Variants in ZDHHC15 observed in about 807,000 individuals in gnomAD.
The protein encoded by ZDHHC15 is zDHHC palmitoyltransferase 15.
Under a neutral mutation model 31.7 loss-of-function variants are expected in ZDHHC15, and 19 were observed. That is an observed-to-expected ratio of 0.60 (90% CI 0.42 to 0.88). The LOEUF (loss-of-function observed/expected upper bound fraction) is 0.88. ZDHHC15 is among the 40% of genes least tolerant of loss of function. The pLI is 0.00. For synonymous variants in ZDHHC15, 103 were observed against 90.0 expected (o/e 1.14, Z -0.82); for missense variants, 209 against 251.2 (o/e 0.83, Z 1.14).
chrX:75,395,953 T>C, intron 10 of ZDHHC15, among the ~76,000 whole-genome samples: 1 of 112,324 alleles, frequency 8.9e-6, no homozygotes, highest in Non-Finnish European at 1.9e-5. Flanking sequence ...TGCAGAAGAA[T>C]GAAACTACAC....
intron 1 of ZDHHC15, among the ~76,000 whole-genome samples, chrX:75,507,749 C>T (rs1303969502): frequency 1.8e-5 from 2 of 111,645 alleles, no homozygotes; most frequent in Admixed American, 9.6e-5. Context: ...TGGCTTTTTG[C>T]ACTGTCTCTC....
intron 1 of ZDHHC15, among the ~76,000 whole-genome samples, chrX:75,511,901 A>T (rs2085281487): frequency 3.0e-5 from 1 of 32,821 alleles, no homozygotes; most frequent in East Asian, 9.1e-4. Flanking sequence ...AAATACTGGC[A>T]AACCGAATCC....
rs371812849 is a variant in ZDHHC15, at chrX:75,414,469, G to A, written c.967+2618C>T. On this transcript the variant is annotated intron_variant, in intron 10 of 11. Coordinates refer to ENST00000373367, the MANE Select transcript of ZDHHC15 (RefSeq NM_144969.3). ...TTTTGAGACACAGTCTCGCTCTGTC[G>A]CACAGGCTGGAGTGCAGCGGCGCGA... Among the ~76,000 whole-genome samples, 776 of 81,280 alleles carry A rather than the reference G, an allele frequency of 9.5e-3. 11 individuals carry two copies. The highest frequency in any genetic ancestry group is 0.034 in the African/African-American group (717 of 21,358). The allele number at this position is 81,280 out of a possible 115,157, so 70.6% of individuals were successfully genotyped here. A position where few individuals can be genotyped will look rare whatever the true frequency, so the allele number is the denominator to read the frequency against.
intron 4 of ZDHHC15, among the ~76,000 whole-genome samples, chrX:75,442,730 T>C (rs1365251014): frequency 1.8e-5 from 2 of 111,328 alleles, no homozygotes; most frequent in African/African-American, 6.5e-5. Flanking sequence ...CTCACGCCTG[T>C]AATCCCAGCA....
At chrX:75,457,847 G>A (rs1328168994) in intron 3 of ZDHHC15, among the ~76,000 whole-genome samples, 2 of 111,713 alleles carry the variant, frequency 1.8e-5, no homozygotes, top group Non-Finnish European at 3.8e-5. Context: ...TATTAGTATT[G>A]TAAATAATCT....
chrX:75,426,351 T>C (rs2083713723), intron 7 of ZDHHC15, among the ~76,000 whole-genome samples: 1 of 111,684 alleles, frequency 9.0e-6, no homozygotes, highest in Non-Finnish European at 1.9e-5. Flanking sequence ...CTGCAGTCTA[T>C]TCCCTCACCC....
At chrX:75,442,720 C>T (rs1443819638) in intron 4 of ZDHHC15, among the ~76,000 whole-genome samples, 2 of 111,633 alleles carry the variant, frequency 1.8e-5, no homozygotes, top group Non-Finnish European at 3.8e-5. Flanking sequence ...GGCGCGGTGG[C>T]TCACGCCTGT....
At chrX:75,464,231 A>T (rs889885914) in intron 3 of ZDHHC15, among the ~76,000 whole-genome samples, 2 of 110,963 alleles carry the variant, frequency 1.8e-5, no homozygotes, top group African/African-American at 6.6e-5. Context: ...TGGGAATTGA[A>T]CAATGAGTAT....
Position 75,429,285 on chromosome X carries a change from G to A in ZDHHC15, c.483-87C>T. 3 of 1,024,790 alleles carry A rather than the reference G, an allele frequency of 2.9e-6. No individual in the cohort carries two copies. The Admixed American group carries it at 9.6e-5, about 33-fold the overall frequency. The allele number at this position is 1,024,790 out of a possible 1,213,427, so 84.5% of individuals were successfully genotyped here. A position where few individuals can be genotyped will look rare whatever the true frequency, so the allele number is the denominator to read the frequency against. On this transcript the variant is annotated intron_variant, in intron 6 of 11. Coordinates refer to ENST00000373367, the MANE Select transcript of ZDHHC15 (RefSeq NM_144969.3). Reference sequence around the variant, plus strand: ...TAAGTGAACTAAGCAATGGAATAATGCTAGTTCTGCTGCTTCATTATGTGT... The same window carrying A: ...TAAGTGAACTAAGCAATGGAATAATACTAGTTCTGCTGCTTCATTATGTGT...
intron 11 of ZDHHC15, 109 bp from the exon 12 acceptor site, chrX:75,373,054 A>G (rs1443706483): frequency 9.0e-6 from 1 of 111,424 alleles, no homozygotes; most frequent in Non-Finnish European, 1.9e-5. Flanking sequence ...ATTTATGAAG[A>G]GTATAGATCA....
intron 2 of ZDHHC15, among the ~76,000 whole-genome samples, chrX:75,504,658 C>T (rs1045196036): frequency 3.6e-5 from 4 of 111,642 alleles, no homozygotes; most frequent in African/African-American, 9.7e-5. Flanking sequence ...CTGGCTTATG[C>T]CATTATTCTT....
At chrX:75,490,782 GCT>G (rs1234675269) in intron 2 of ZDHHC15, among the ~76,000 whole-genome samples, 1 of 111,338 alleles carries the variant, frequency 9.0e-6, no homozygotes, top group African/African-American at 3.3e-5. Flanking sequence ...TCATGATTTG[GCT>G]CTCTGTTTGT....
Position 75,478,991 on chromosome X carries a change from AT to A in ZDHHC15, c.164-7del. 1 of 1,135,616 alleles carries A rather than the reference AT, an allele frequency of 8.8e-7. No homozygotes were observed. The highest frequency in any genetic ancestry group is 1.2e-6 in the Non-Finnish European group (1 of 840,011). The allele number at this position is 1,135,616 out of a possible 1,213,427, so 93.6% of individuals were successfully genotyped here. ...GTAGAGTATGAGGTAAATAACTGAA[AT>A]AAAAAAAAAATCAGTGTTTATACTA... On this transcript the variant is annotated splice_region_variant and splice_polypyrimidine_tract_variant and intron_variant, in intron 2 of 11. Transcript: ENST00000373367.
chrX:75,385,971 G>T (rs2083175118), intron 10 of ZDHHC15, among the ~76,000 whole-genome samples: 1 of 111,596 alleles, frequency 9.0e-6, no homozygotes, highest in African/African-American at 3.3e-5. Flanking sequence ...ATATTGTATT[G>T]CCTGAACACC....
At chrX:75,499,445 T>A (rs1347954781) in intron 2 of ZDHHC15, among the ~76,000 whole-genome samples, 2 of 109,995 alleles carry the variant, frequency 1.8e-5, no homozygotes, top group African/African-American at 3.3e-5. Flanking sequence ...AAACAAATAA[T>A]CCCATTAAAA....
intron 2 of ZDHHC15, among the ~76,000 whole-genome samples, chrX:75,500,447 AAAC>A (rs1338942226): frequency 3.6e-5 from 4 of 110,052 alleles, no homozygotes; most frequent in East Asian, 5.6e-4. Flanking sequence ...CAATTAAAAT[AAAC>A]AACCAAGCCT....
intron 2 of ZDHHC15, among the ~76,000 whole-genome samples, chrX:75,484,118 T>C (rs920072412): frequency 8.9e-6 from 1 of 112,221 alleles, no homozygotes; most frequent in Admixed American, 9.5e-5. Context: ...CTGTACATTA[T>C]CCCTAATAAT....
intron 2 of ZDHHC15, among the ~76,000 whole-genome samples, chrX:75,496,023 A>T (rs1426992806): frequency 9.0e-6 from 1 of 111,058 alleles, no homozygotes; most frequent in African/African-American, 3.3e-5. Context: ...AGTTGAATAT[A>T]AATGGCCTAA....
chrX:75,485,714 G>GA (rs748387679), intron 2 of ZDHHC15, among the ~76,000 whole-genome samples: 1 of 111,115 alleles, frequency 9.0e-6, no homozygotes, highest in African/African-American at 3.3e-5. Context: ...ACGTAAAGGG[G>GA]AAAAATCACT....
Sources: gnomAD v4.1 joint callset for allele counts (sites outside exome capture counted in the v4.1 genomes callset) on GRCh38, gnomAD v4.1.1 for gene constraint, MANE v1.5 for transcripts, NCBI Gene and HGNC (gene_info 2026-07-23, HGNC 2026-07-21) for gene names.